Variants in GHITM observed in about 807,000 individuals in gnomAD.
GHITM encodes growth hormone-inducible transmembrane protein.
A neutral mutation model predicts 38.7 loss-of-function variants in GHITM; 24 were observed. The observed-to-expected ratio is 0.62, with a 90% CI of 0.45 to 0.87. The LOEUF is 0.87. Ranked by LOEUF, GHITM falls within the 40% of genes least tolerant of loss-of-function variation. The probability of loss-of-function intolerance (pLI) is 0.00; values close to 1 mark genes in which losing one functional copy is unlikely to be tolerated. For synonymous variants in GHITM, 154 were observed against 147.8 expected, an observed-to-expected ratio of 1.04 and a Z score of -0.30; for missense variants, 420 against 429.8, an observed-to-expected ratio of 0.98 and a Z score of 0.20.
At chr10:84,150,911 C>T (rs373815298) in intron 8 of GHITM, 31 bp downstream of exon 8, 120 of 1,443,716 alleles carry the variant, frequency 8.3e-5, no homozygotes, top group Admixed American at 5.7e-4. Flanking sequence ...AACACTGTTA[C>T]TCTGTCACAT....
rs374301301 is a variant in GHITM, at chr10:84,144,130, C to G, written c.341+24C>G. The G allele has an allele frequency of 1.2e-5, 17 of 1,463,338 alleles. No individual in the cohort carries two copies. The African/African-American group carries it at 1.9e-4, about 17-fold the overall frequency. The allele number at this position is 1,463,338 out of a possible 1,614,324, so 90.6% of individuals were successfully genotyped here. ...GTGTAAGTAAATTGTTTTAAGTAAA[C>G]TGTTCCTAAACAACTCCAGCCTTAA... is the stretch of plus-strand genomic sequence containing the variant. On this transcript the variant is annotated intron_variant, in intron 4 of 8. Transcript: ENST00000372134.
At chr10:84,147,881 A>T (rs1041546744) in intron 5 of GHITM, among the ~76,000 whole-genome samples, 1 of 151,874 alleles carries the variant, frequency 6.6e-6, no homozygotes, top group Non-Finnish European at 1.5e-5. Context: ...CTTATTTCTC[A>T]TTTTTCTTTT....
intron 5 of GHITM, 101 bp from the exon 6 acceptor site, chr10:84,148,629 C>T: frequency 1.4e-6 from 1 of 726,364 alleles, no homozygotes; most frequent in Non-Finnish European, 2.4e-6. Flanking sequence ...AATATTTTTA[C>T]AACTAGTTTA....
At chr10:84,147,154 T>C (rs779699748) in intron 5 of GHITM, among the ~76,000 whole-genome samples, 24 of 152,306 alleles carry the variant, frequency 1.6e-4, no homozygotes, top group Non-Finnish European at 3.2e-4. Flanking sequence ...TAGAAGATCT[T>C]AAAAAAATTT....
At chr10:84,146,799 A>G (rs2132739477) in intron 5 of GHITM, among the ~76,000 whole-genome samples, 1 of 152,342 alleles carries the variant, frequency 6.6e-6, no homozygotes, top group South Asian at 2.1e-4. Flanking sequence ...TGTTAGTAAT[A>G]CAGAAAATAG....
In GHITM at chr10:84,142,703, C is replaced by T; in HGVS notation, c.178C>T (p.Gln60Ter). The change falls in exon 3 of 9, where the codon CAA (glutamine) becomes TAA (stop). Residue 60 changes from glutamine (Q) to a stop codon, truncating the protein, a stop_gained. Transcript: ENST00000372134. LOFTEE classifies it high-confidence loss of function. The part of the protein sequence containing the change: ...RIGIRRGRTG[Q>*]ELKEAALEPS... ...TGGGATCCGGCGTGGGAGAACTGGC[C>T]AAGAACTCAAAGAGGCAGCATTGGA... 1.9e-6 allele frequency: 3 copies of T among 1,612,378 alleles called. No homozygotes were observed. Among genetic ancestry groups the T allele is most frequent in the Non-Finnish European group, 2.5e-6 (3 of 1,178,868 alleles).
chr10:84,145,949 G>A (rs12413307), intron 5 of GHITM, among the ~76,000 whole-genome samples: 39,815 of 152,066 alleles, frequency 0.26, 6,101 homozygotes, highest in Non-Finnish European at 0.36. Flanking sequence ...TAATCTCAGC[G>A]TTTTAGGAGG....
Position 84,148,839 on chromosome 10 carries a change from G to A in GHITM, c.592+1G>A. 6.4e-7 allele frequency: 1 copy of A among 1,572,182 alleles called. No individual in the cohort carries two copies. The highest frequency in any genetic ancestry group is 8.8e-7 in the Non-Finnish European group (1 of 1,142,008). On this transcript the variant is annotated splice_donor_variant, in intron 6 of 8. Coordinates refer to ENST00000372134, the MANE Select transcript of GHITM (RefSeq NM_014394.3). LOFTEE classifies it high-confidence loss of function. ...CATCTTGCTTGGTTGCTACATTCTG[G>A]TATGTTCTGTTTTAAATTGTTACGA... is the stretch of plus-strand genomic sequence containing the variant.
chr10:84,143,890 G>T lies in GHITM; in HGVS notation c.230-105G>T. ...TCTGTACCCCATATGCACTGATTAT[G>T]GCTTCTATTAAATATGGTACATGAT... is the stretch of plus-strand genomic sequence containing the variant. On this transcript the variant is annotated intron_variant, in intron 3 of 8. Coordinates refer to ENST00000372134, the MANE Select transcript of GHITM (RefSeq NM_014394.3). The T allele has an allele frequency of 4.8e-6, 4 of 835,228 alleles. No homozygotes were observed. In the South Asian group the frequency reaches 5.7e-5, roughly 12 times the overall value. The allele number at this position is 835,228 out of a possible 1,614,324, so 51.7% of individuals were successfully genotyped here.
At chr10:84,147,375 G>A (rs951465309) in intron 5 of GHITM, among the ~76,000 whole-genome samples, 1 of 152,136 alleles carries the variant, frequency 6.6e-6, no homozygotes, top group South Asian at 2.1e-4. Flanking sequence ...GACATTACAG[G>A]TCCATACCAC....
At chr10:84,148,584 C>A in intron 5 of GHITM, 146 bp from the exon 6 acceptor site, 1 of 585,676 alleles carries the variant, frequency 1.7e-6, no homozygotes, top group Non-Finnish European at 3.0e-6. Context: ...GCGTGAGCCA[C>A]CACGCCTGGC....
At position 84,152,904 on chromosome 10, in the gene GHITM, C is replaced by G. The variant is rs1841625673; in HGVS notation, c.*556C>G. 5 of 152,280 alleles carry G rather than the reference C, an allele frequency of 3.3e-5. No homozygotes were observed. The South Asian group carries it at 1.0e-3, about 32-fold the overall frequency. The allele number at this position is 152,280 out of a possible 1,614,324, so 9.4% of individuals were successfully genotyped here. ...AACAAGTGGTCATTGTTACATTCATCTGCTGAACTTAACAAAACTGTTCAT... is the reference window on the plus strand; with the variant it reads ...AACAAGTGGTCATTGTTACATTCATGTGCTGAACTTAACAAAACTGTTCAT... On this transcript the variant is annotated 3_prime_UTR_variant, in exon 9 of 9. Transcript: ENST00000372134.
Position 84,150,378 on chromosome 10 carries a change from A to G in GHITM, c.781+135A>G, listed in dbSNP as rs1342883541. 41 of 677,378 alleles carry G rather than the reference A, an allele frequency of 6.1e-5. No homozygotes were observed. The Middle Eastern group carries it at 1.3e-3, about 21-fold the overall frequency. The allele number at this position is 677,378 out of a possible 1,614,324, so 42.0% of individuals were successfully genotyped here. A position where few individuals can be genotyped will look rare whatever the true frequency, so the allele number is the denominator to read the frequency against. ...ATTTATGCTAATTTGACTGGATTTT[A>G]CTACCTGACATCATATAAAAATCAT... On this transcript the variant is annotated intron_variant, in intron 7 of 8. Transcript: ENST00000372134.
chr10:84,142,192 G>T (rs1362410642), intron 2 of GHITM, among the ~76,000 whole-genome samples: 2 of 152,208 alleles, frequency 1.3e-5, no homozygotes, highest in African/African-American at 4.8e-5. Flanking sequence ...CACAATGGAA[G>T]TAGTAGTCTT....
At chr10:84,145,549 A>C (rs1841549221) in intron 5 of GHITM, among the ~76,000 whole-genome samples, 1 of 152,270 alleles carries the variant, frequency 6.6e-6, no homozygotes, top group South Asian at 2.1e-4. Context: ...TTACTAAAAA[A>C]ATAAAGCAAA....
At chr10:84,145,141 T>A in intron 5 of GHITM, 125 bp downstream of exon 5, 1 of 642,302 alleles carries the variant, frequency 1.6e-6, no homozygotes, top group Non-Finnish European at 2.4e-6. Context: ...TCAAATAATG[T>A]ATGAATTACA....
At chr10:84,148,053 T>A (rs1243703138) in intron 5 of GHITM, among the ~76,000 whole-genome samples, 1 of 152,152 alleles carries the variant, frequency 6.6e-6, no homozygotes, top group African/African-American at 2.4e-5. Context: ...ATATATTTTT[T>A]AATTAAGAGT....
intron 5 of GHITM, among the ~76,000 whole-genome samples, chr10:84,148,454 G>A (rs1414231288): frequency 1.3e-5 from 2 of 151,870 alleles, no homozygotes; most frequent in Non-Finnish European, 2.9e-5. Context: ...GCACCACTGC[G>A]CCTGGCTAAT....
intron 8 of GHITM, 60 bp downstream of exon 8, chr10:84,150,940 T>G: frequency 5.7e-6 from 7 of 1,229,144 alleles, no homozygotes; most frequent in Non-Finnish European, 6.0e-6. Context: ...TTGTGTGTAT[T>G]TGACCTGTTT....
Sources: allele counts gnomAD v4.1 joint callset (sites outside exome capture counted in the v4.1 genomes callset), GRCh38; gene constraint gnomAD v4.1.1; transcripts MANE v1.5; gene names NCBI Gene and HGNC (gene_info 2026-07-23, HGNC 2026-07-21).